Variants in FN1 observed in about 807,000 individuals in gnomAD.
FN1 encodes the protein fibronectin 1, also known as fibronectin.
In FN1, 106 loss-of-function variants were observed where a neutral mutation model predicts 297.3. That is an observed-to-expected ratio of 0.36 (90% confidence interval 0.30 to 0.42). The LOEUF (loss-of-function observed/expected upper bound fraction) is 0.42. FN1 is among the 10% of genes least tolerant of loss of function. The probability of loss-of-function intolerance (pLI) is 1.00; values close to 1 mark genes in which losing one functional copy is unlikely to be tolerated. For missense variants in FN1, 2,690 were observed against 3,124.9 expected, an observed-to-expected ratio of 0.86 and a Z score of 3.32; for synonymous variants, 1,149 against 1,152.6, an observed-to-expected ratio of 1.00 and a Z score of 0.06.
At chr2:215,380,770 G>A (rs751962186) in intron 33 of FN1, 41 bp downstream of exon 33, 65 of 1,610,932 alleles carry the variant, frequency 4.0e-5, no homozygotes, top group East Asian at 2.7e-4. Flanking sequence ...GCATAAAGCC[G>A]CTGCTCCCAT....
chr2:215,367,807 A>G (rs1328673920), intron 42 of FN1, 56 bp downstream of exon 42: 1 of 1,562,020 alleles, frequency 6.4e-7, no homozygotes, highest in Non-Finnish European at 8.8e-7. Flanking sequence ...ACATGAGTGC[A>G]TGCATGGAAC....
intron 10 of FN1, 172 bp from the exon 11 acceptor site, chr2:215,420,973 A>G: frequency 2.8e-6 from 2 of 719,546 alleles, no homozygotes; most frequent in Non-Finnish European, 4.5e-6. Context: ...TTGGTCAGTA[A>G]TACAATTTTT....
At chr2:215,420,184 A>G (rs545697965) in intron 11 of FN1, among the ~76,000 whole-genome samples, 11 of 152,166 alleles carry the variant, frequency 7.2e-5, no homozygotes, top group Non-Finnish European at 1.6e-4. Flanking sequence ...TACTAAAGAT[A>G]CAAAATTAGC....
At chr2:215,407,952 C>G (rs1473662306) in intron 17 of FN1, among the ~76,000 whole-genome samples, 156 bp downstream of exon 17, 2 of 36,248 alleles carry the variant, frequency 5.5e-5, no homozygotes, top group Admixed American at 3.1e-4. Flanking sequence ...CCCCCACCCC[C>G]GCCACACACA....
At chr2:215,401,844 G>A (rs923010268) in intron 20 of FN1, among the ~76,000 whole-genome samples, 2 of 151,534 alleles carry the variant, frequency 1.3e-5, no homozygotes, top group Admixed American at 1.3e-4. Flanking sequence ...ATATGTGTGG[G>A]CCACTTCATA....
chr2:215,391,713 C>T lies in FN1; in HGVS notation c.4171G>A (p.Val1391Met), dbSNP rs2059726249. Reference sequence around the variant, plus strand: ...TCATTTTTCACAGGTGAGTAACGCACCAGGAAGTTGGTTAAATCAATGGAT... The same window carrying T: ...TCATTTTTCACAGGTGAGTAACGCATCAGGAAGTTGGTTAAATCAATGGAT... ...PPSIDLTNFL[V>M]RYSPVKNEED... Residue 1391 changes from valine to methionine, a missense_variant, in exon 26 of 46, where the codon GTG (valine) becomes ATG (methionine). This residue lies in a region of FN1 where 1,743 missense variants were observed against 1,945.2 expected (regional missense o/e 0.90). Coordinates refer to ENST00000354785, the MANE Select transcript of FN1 (RefSeq NM_212482.4). 6.2e-7 allele frequency: 1 copy of T among 1,614,086 alleles called. No individual in the cohort carries two copies. Among genetic ancestry groups the T allele is most frequent in the East Asian group, 2.2e-5 (1 of 44,880 alleles).
chr2:215,405,864 G>C (rs1408315517), intron 19 of FN1, among the ~76,000 whole-genome samples: 1 of 152,166 alleles, frequency 6.6e-6, no homozygotes, highest in Non-Finnish European at 1.5e-5. Context: ...AGTAATACTA[G>C]ACACTTGACA....
At chr2:215,408,499 G>A in intron 15 of FN1, 73 bp from the exon 16 acceptor site, 2 of 1,455,192 alleles carry the variant, frequency 1.4e-6, no homozygotes, top group East Asian at 4.6e-5. Context: ...CTTATAAGAA[G>A]GATATTTTAA....
chr2:215,379,046 T>G, intron 34 of FN1, 84 bp downstream of exon 34: 1 of 1,140,418 alleles, frequency 8.8e-7, no homozygotes, highest in Non-Finnish European at 1.3e-6. Flanking sequence ...TTAGATTTAT[T>G]ATGATATTAT....
chr2:215,403,383 A>G (rs2061376979), intron 20 of FN1, among the ~76,000 whole-genome samples: 1 of 152,186 alleles, frequency 6.6e-6, no homozygotes, highest in Admixed American at 6.5e-5. Context: ...TTTACAAACT[A>G]GGCTTGTATG....
At chr2:215,409,112 GGTGTGTTCACTT>G (rs1176314355) in intron 15 of FN1, among the ~76,000 whole-genome samples, 1 of 152,056 alleles carries the variant, frequency 6.6e-6, no homozygotes, top group Non-Finnish European at 1.5e-5. Context: ...CTGGTCTTGT[GGTGTGTTCACTT>G]TATAAGAATT....
At chr2:215,422,357 A>C in intron 9 of FN1, 114 bp from the exon 10 acceptor site, 1 of 1,101,350 alleles carries the variant, frequency 9.1e-7, no homozygotes. Flanking sequence ...ACTTGGGAAG[A>C]AGCTTTGTGT....
In FN1 at chr2:215,364,879, C is replaced by T. The variant is rs149027846; in HGVS notation, c.7251G>A (p.Arg2417=). 1.2e-5 allele frequency: 19 copies of T among 1,551,680 alleles called. No individual in the cohort carries two copies. The African/African-American group carries it at 2.0e-4, about 17-fold the overall frequency. ...ICSCTCFGGQ[R]GWRCDNCRRP... ...GGGAGCCTGGCACATCCAGTCTTAC[C>T]CGCTGGCCTCCAAAGCATGTGCAGG... The change falls in exon 44 of 46, where the codon CGG becomes CGA. Residue 2417 remains arginine, a splice_region_variant and synonymous_variant. Coordinates refer to ENST00000354785, the MANE Select transcript of FN1 (RefSeq NM_212482.4).
rs954994232 is a variant in FN1 at position 215,404,551 on chromosome 2, C to T, written c.3091G>A (p.Val1031Met). The T allele has an allele frequency of 2.6e-5, 42 of 1,613,946 alleles. No individual in the cohort carries two copies. The highest frequency in any genetic ancestry group is 1.6e-4 in the Middle Eastern group (1 of 6,084). The change falls in exon 20 of 46, where the codon GTG (valine) becomes ATG (methionine). Residue 1031 changes from valine (V) to methionine (M), a missense_variant. This residue lies in a region of FN1 where 1,743 missense variants were observed against 1,945.2 expected (regional missense o/e 0.90). Transcript: ENST00000354785. Reference protein sequence around the residue: ...RAQITGYRLTVGLTRRGQPRQ... With the variant: ...RAQITGYRLTMGLTRRGQPRQ... ...GGCTGTCCTCTTCGGGTAAGGCCCA[C>T]GGTCAGTCGGTATCCTGTTATCTGG...
rs983799959 is a variant in FN1, at chr2:215,389,848, C to A, written c.4253-1547G>T. The stretch of plus-strand genomic sequence containing the variant: ...CTAGATGGTAGAGCCTTTGACACAC[C>A]TAAGCTATAAGCTATGTGGTCTAGC... On this transcript the variant is annotated intron_variant, in intron 26 of 45. Transcript: ENST00000354785. Among the ~76,000 whole-genome samples, 64 of 152,092 alleles carry A rather than the reference C, an allele frequency of 4.2e-4. 2 individuals carry two copies. Among genetic ancestry groups the A allele is most frequent in the Admixed American group, 7.2e-4 (11 of 15,274 alleles).
chr2:215,365,776 C>A, intron 42 of FN1, 146 bp from the exon 43 acceptor site: 1 of 470,594 alleles, frequency 2.1e-6, no homozygotes, highest in Admixed American at 4.0e-5. Context: ...CTATAATGGG[C>A]CATTTATTTT....
rs1452757361 is a variant in FN1, at chr2:215,382,342, A to C, written c.5051-17T>G. The stretch of plus-strand genomic sequence containing the variant: ...CTGTTTGATCTGCAAAGGGAGTGAA[A>C]AGCAAATGCAACATCCACGTCATCC... On this transcript the variant is annotated splice_polypyrimidine_tract_variant and intron_variant, in intron 31 of 45. Coordinates refer to ENST00000354785, the MANE Select transcript of FN1 (RefSeq NM_212482.4). 1 of 1,506,752 alleles carries C rather than the reference A, an allele frequency of 6.6e-7. No homozygotes were observed. The highest frequency in any genetic ancestry group is 1.7e-5 in the Admixed American group (1 of 59,880). The allele number at this position is 1,506,752 out of a possible 1,614,324, so 93.3% of individuals were successfully genotyped here.
intron 40 of FN1, among the ~76,000 whole-genome samples, chr2:215,371,249 T>C (rs974651797): frequency 7.3e-5 from 11 of 149,730 alleles, no homozygotes; most frequent in Non-Finnish European, 1.2e-4. Context: ...GCCAGGGCCA[T>C]AGAGCAAGAC....
intron 4 of FN1, 54 bp downstream of exon 4, chr2:215,431,779 C>T (rs2066558677): frequency 8.8e-6 from 14 of 1,597,510 alleles, no homozygotes; most frequent in East Asian, 4.5e-5. Context: ...TCTGGTCCAA[C>T]CCCACATTAG....
Sources: gnomAD v4.1 joint callset for allele counts (sites outside exome capture counted in the v4.1 genomes callset) on GRCh38, gnomAD v4.1.1 for gene constraint, gnomAD v4.1.1 regional missense constraint, MANE v1.5 for transcripts, NCBI Gene and HGNC (gene_info 2026-07-23, HGNC 2026-07-21) for gene names.